Variants in APBB2 observed in about 807,000 individuals in gnomAD.
APBB2 encodes Fe65-like 1.
A neutral mutation model predicts 82.5 loss-of-function variants in APBB2; 38 were observed. The ratio of observed to expected loss-of-function variants is 0.46; its 90% CI spans 0.36 to 0.60. The LOEUF is 0.60. Among genes scored for constraint, APBB2 ranks in the 20% least tolerant of loss-of-function variants. APBB2 has a pLI of 0.00. For synonymous variants in APBB2, 341 were observed against 368.2 expected (o/e 0.93, Z 0.85); for missense variants, 772 against 972.3 (o/e 0.79, Z 2.74).
rs1256571801 is a variant in APBB2 at position 40,811,994 on chromosome 4, A to T, written c.*4098T>A. 1 of 152,204 alleles carries T rather than the reference A, an allele frequency of 6.6e-6. No individual in the cohort carries two copies. Among genetic ancestry groups the T allele is most frequent in the Non-Finnish European group, 1.5e-5 (1 of 68,036 alleles). The allele number at this position is 152,204 out of a possible 1,614,324, so 9.4% of individuals were successfully genotyped here. On this transcript the variant is annotated 3_prime_UTR_variant, in exon 18 of 18. Coordinates refer to ENST00000508593, the MANE Select transcript of APBB2 (RefSeq NM_004307.2). ...AAGTGATAAACTTCTTCGTGCTAAA[A>T]TATCACAATCCTAGCAAGACCGCTT...
intron 3 of APBB2, among the ~76,000 whole-genome samples, chr4:41,089,261 T>A (rs1428217576): frequency 6.6e-6 from 1 of 152,216 alleles, no homozygotes; most frequent in Non-Finnish European, 1.5e-5. Flanking sequence ...AGAAGGGTTT[T>A]GAACTTCAGA....
intron 6 of APBB2, among the ~76,000 whole-genome samples, chr4:41,000,061 A>ATGTGTGTGTGTG (rs1218564307): frequency 6.4e-4 from 73 of 113,214 alleles, no homozygotes; most frequent in African/African-American, 2.4e-3. Flanking sequence ...ATGTATATAT[A>ATGTGTGTGTGTG]TGTGTGTATG....
intron 5 of APBB2, among the ~76,000 whole-genome samples, chr4:41,023,631 T>G (rs942085355): frequency 1.3e-5 from 2 of 152,024 alleles, no homozygotes; most frequent in African/African-American, 4.8e-5. Context: ...ACCAGGGAAG[T>G]GAAAGATCTC....
At chr4:40,895,449 G>C (rs909100258) in intron 10 of APBB2, among the ~76,000 whole-genome samples, 1 of 152,226 alleles carries the variant, frequency 6.6e-6, no homozygotes, top group African/African-American at 2.4e-5. Flanking sequence ...AGGAGGTCCC[G>C]GGTGCCAGAG....
chr4:40,967,324 G>GT (rs995771987), intron 6 of APBB2, among the ~76,000 whole-genome samples: 1 of 152,194 alleles, frequency 6.6e-6, no homozygotes, highest in African/African-American at 2.4e-5. Context: ...TGAAAGAGCT[G>GT]TAACACAAAC....
intron 12 of APBB2, among the ~76,000 whole-genome samples, chr4:40,835,708 C>T (rs1051205113): frequency 3.9e-5 from 6 of 152,168 alleles, no homozygotes. Flanking sequence ...TACAGGTGAC[C>T]CCATGTGATT....
In APBB2 at chr4:40,812,061, G is replaced by A. The variant is rs765568317; in HGVS notation, c.*4031C>T. The A allele has an allele frequency of 6.6e-6, 1 of 152,124 alleles. No individual in the cohort carries two copies. Among genetic ancestry groups the A allele is most frequent in the Non-Finnish European group, 1.5e-5 (1 of 68,024 alleles). The allele number at this position is 152,124 out of a possible 1,614,324, so 9.4% of individuals were successfully genotyped here. Reference sequence around the variant, plus strand: ...GGTGACTAAATAGGCTTCTATGTCCGGAAGGCCAGCTGGCCTTCCTGATCA... The same window carrying A: ...GGTGACTAAATAGGCTTCTATGTCCAGAAGGCCAGCTGGCCTTCCTGATCA... On this transcript the variant is annotated 3_prime_UTR_variant, in exon 18 of 18. Coordinates refer to ENST00000508593, the MANE Select transcript of APBB2 (RefSeq NM_004307.2).
intron 1 of APBB2, among the ~76,000 whole-genome samples, chr4:41,155,893 T>C (rs1763329306): frequency 6.6e-6 from 1 of 152,212 alleles, no homozygotes; most frequent in Non-Finnish European, 1.5e-5. Context: ...TAGAAATCTA[T>C]TTAACCATAA....
intron 10 of APBB2, among the ~76,000 whole-genome samples, chr4:40,916,074 G>T (rs1234930882): frequency 2.0e-5 from 3 of 152,180 alleles, no homozygotes; most frequent in Non-Finnish European, 4.4e-5. Context: ...TAAATACAAA[G>T]AAACTCTCTG....
chr4:40,950,808 A>T (rs1362661304), intron 6 of APBB2, among the ~76,000 whole-genome samples: 1 of 151,994 alleles, frequency 6.6e-6, no homozygotes, highest in Non-Finnish European at 1.5e-5. Context: ...GTGCCATTGC[A>T]CTCCAACTTG....
At chr4:41,199,965 G>C (rs1403689991) in intron 1 of APBB2, among the ~76,000 whole-genome samples, 1 of 152,166 alleles carries the variant, frequency 6.6e-6, no homozygotes, top group African/African-American at 2.4e-5. Flanking sequence ...TGGCCCTTTA[G>C]ACAGATTTGG....
intron 6 of APBB2, among the ~76,000 whole-genome samples, chr4:40,954,114 C>A (rs1374112476): frequency 6.6e-6 from 1 of 152,156 alleles, no homozygotes; most frequent in Admixed American, 6.5e-5. Flanking sequence ...GTGTGTGAAG[C>A]AAACCCACTT....
chr4:41,034,088 T>C (rs1037134917), intron 4 of APBB2, among the ~76,000 whole-genome samples: 1 of 152,182 alleles, frequency 6.6e-6, no homozygotes, highest in Admixed American at 6.5e-5. Context: ...TTTACAAATA[T>C]CTGAGCAAGT....
chr4:40,857,296 T>C, intron 12 of APBB2: 2 of 448,794 alleles, frequency 4.5e-6, no homozygotes, highest in Non-Finnish European at 5.9e-6. Flanking sequence ...TCCCGCCAGA[T>C]GCTCCAGCTG....
chr4:41,104,833 G>T (rs1004334747), intron 2 of APBB2, among the ~76,000 whole-genome samples: 3 of 152,184 alleles, frequency 2.0e-5, no homozygotes, highest in African/African-American at 7.2e-5. Flanking sequence ...ACGTGATTTA[G>T]TTCTTTTTTA....
chr4:40,921,970 G>C (rs951631299), intron 10 of APBB2, among the ~76,000 whole-genome samples: 1 of 152,172 alleles, frequency 6.6e-6, no homozygotes. Context: ...ATCATGGATC[G>C]AAAGGGACAC....
At chr4:41,196,129 A>C in intron 1 of APBB2, among the ~76,000 whole-genome samples, 1 of 151,388 alleles carries the variant, frequency 6.6e-6, no homozygotes, top group South Asian at 2.1e-4. Flanking sequence ...ACTGCACTCC[A>C]GCCTGGTCGA....
intron 1 of APBB2, among the ~76,000 whole-genome samples, chr4:41,179,712 T>C (rs1281374872): frequency 1.3e-5 from 2 of 152,216 alleles, no homozygotes; most frequent in African/African-American, 4.8e-5. Flanking sequence ...TAATACTCCC[T>C]GAAGATAAAT....
At chr4:40,989,641 A>C (rs1368181059) in intron 6 of APBB2, among the ~76,000 whole-genome samples, 1 of 152,124 alleles carries the variant, frequency 6.6e-6, no homozygotes, top group Non-Finnish European at 1.5e-5. Flanking sequence ...TACTCCAATA[A>C]ACAATTTATC....
Sources: gnomAD v4.1 joint callset for allele counts (sites outside exome capture counted in the v4.1 genomes callset) on GRCh38, gnomAD v4.1.1 for gene constraint, MANE v1.5 for transcripts, NCBI Gene and HGNC (gene_info 2026-07-23, HGNC 2026-07-21) for gene names.